Variants in ZC3H12B observed in about 807,000 individuals in gnomAD.
ZC3H12B encodes zinc finger CCCH-type containing 12B.
Under a neutral mutation model 43.9 loss-of-function variants are expected in ZC3H12B, and 7 were observed. The ratio of observed to expected loss-of-function variants is 0.16; its 90% CI spans 0.09 to 0.30. The LOEUF (loss-of-function observed/expected upper bound fraction) is 0.30, where lower values mean the gene tolerates loss of function less well. ZC3H12B is among the 10% of genes least tolerant of loss of function. The pLI is 1.00. For missense variants in ZC3H12B, 475 were observed against 670.2 expected (o/e 0.71, Z 3.22); for synonymous variants, 222 against 241.7 (o/e 0.92, Z 0.76).
At chrX:65,313,085 C>G in the ZC3H12B span, among the ~76,000 whole-genome samples, 3 of 110,887 alleles carry the variant, frequency 2.7e-5, no homozygotes, top group African/African-American at 9.8e-5. Context: ...TTTCACCATG[C>G]TAGCCAGGCT....
intron 3 of ZC3H12B, among the ~76,000 whole-genome samples, chrX:65,440,533 T>C (rs1352269777): frequency 8.9e-6 from 1 of 112,485 alleles, no homozygotes; most frequent in Non-Finnish European, 1.9e-5. Flanking sequence ...AGCTTTACCA[T>C]TACTAGACCC....
the ZC3H12B span, among the ~76,000 whole-genome samples, chrX:65,062,072 C>G: frequency 8.9e-6 from 1 of 112,067 alleles, no homozygotes; most frequent in African/African-American, 3.2e-5. Context: ...AGACTGTTGT[C>G]AGATGGATAG....
chrX:65,486,489 C>T (rs761701156), upstream of ZC3H12B, among the ~76,000 whole-genome samples: 56 of 111,989 alleles, frequency 5.0e-4, 1 homozygote, highest in Non-Finnish European at 8.6e-4. Flanking sequence ...ATAAAAGAAA[C>T]ACATACACAT....
At chrX:65,363,247 T>G (rs1432779178), upstream of ZC3H12B, among the ~76,000 whole-genome samples, 2 of 111,378 alleles carry the variant, frequency 1.8e-5, no homozygotes, top group Admixed American at 9.6e-5. Flanking sequence ...TCAACATTTA[T>G]TCTCCAAAGG....
At chrX:65,410,166 A>G (rs2066887531) in intron 3 of ZC3H12B, among the ~76,000 whole-genome samples, 1 of 109,894 alleles carries the variant, frequency 9.1e-6, no homozygotes, top group Non-Finnish European at 1.9e-5. Flanking sequence ...AAATTCACAC[A>G]CTTAAAGTGA....
the ZC3H12B span, among the ~76,000 whole-genome samples, chrX:65,204,287 G>A: frequency 1.8e-5 from 2 of 111,777 alleles, no homozygotes; most frequent in South Asian, 3.7e-4. Context: ...GAAGCTGATC[G>A]GTGGATCCTT....
At chrX:65,283,216 CA>C in the ZC3H12B span, among the ~76,000 whole-genome samples, 1 of 111,547 alleles carries the variant, frequency 9.0e-6, no homozygotes, top group Non-Finnish European at 1.9e-5. Context: ...GAACCAAAGA[CA>C]AAAACCACGG....
the ZC3H12B span, among the ~76,000 whole-genome samples, chrX:65,308,345 G>T: frequency 9.0e-6 from 1 of 110,596 alleles, no homozygotes; most frequent in East Asian, 2.8e-4. Flanking sequence ...TGCAAGCCTG[G>T]GCTCTGATAA....
chrX:65,321,410 G>A, the ZC3H12B span, among the ~76,000 whole-genome samples: 7 of 111,876 alleles, frequency 6.3e-5, no homozygotes, highest in East Asian at 1.7e-3. Context: ...ACAGGTGCTG[G>A]CAAGGTTACA....
At chrX:65,163,844 A>T in the ZC3H12B span, among the ~76,000 whole-genome samples, 2 of 111,848 alleles carry the variant, frequency 1.8e-5, no homozygotes, top group African/African-American at 6.5e-5. Flanking sequence ...GAAATTCAGA[A>T]ATCACGCATC....
chrX:65,261,384 A>G, the ZC3H12B span, among the ~76,000 whole-genome samples: 1 of 111,693 alleles, frequency 9.0e-6, no homozygotes, highest in Non-Finnish European at 1.9e-5. Context: ...GATTGTTTCT[A>G]GAAATAGCCT....
the ZC3H12B span, among the ~76,000 whole-genome samples, chrX:65,168,832 T>C: frequency 1.1e-4 from 12 of 111,961 alleles, no homozygotes; most frequent in East Asian, 2.5e-3. Flanking sequence ...TTTGTAGAGG[T>C]GTTTATACTA....
the ZC3H12B span, among the ~76,000 whole-genome samples, chrX:65,266,845 G>C: frequency 9.0e-6 from 1 of 111,019 alleles, no homozygotes; most frequent in Non-Finnish European, 1.9e-5. Flanking sequence ...TTGTTGAAAA[G>C]ATTTAAAGGT....
At chrX:65,494,898 G>T (rs1029877309) in intron 1 of ZC3H12B, among the ~76,000 whole-genome samples, 2 of 111,716 alleles carry the variant, frequency 1.8e-5, no homozygotes, top group Non-Finnish European at 3.8e-5. Context: ...GACTGTTTGG[G>T]AGAAGATCAT....
intron 1 of ZC3H12B, among the ~76,000 whole-genome samples, chrX:65,494,459 A>G (rs958311352): frequency 1.5e-4 from 17 of 110,696 alleles, no homozygotes; most frequent in African/African-American, 5.2e-4. Context: ...GGCTGAAAAA[A>G]AAAATTTAAA....
intron 1 of ZC3H12B, 92 bp from the exon 7 acceptor site, chrX:65,497,040 T>C: frequency 1.4e-6 from 1 of 716,397 alleles, no homozygotes; most frequent in South Asian, 3.1e-5. Context: ...ATGTCTATTA[T>C]TAATACCTTG....
At chrX:65,487,281 C>T (rs1440786877), upstream of ZC3H12B, among the ~76,000 whole-genome samples, 1 of 112,786 alleles carries the variant, frequency 8.9e-6, no homozygotes, top group Non-Finnish European at 1.9e-5. Context: ...TGGCTCACGC[C>T]TGTAATCCCA....
chrX:65,193,005 C>T, the ZC3H12B span, among the ~76,000 whole-genome samples: 152 of 110,835 alleles, frequency 1.4e-3, 1 homozygote, highest in Middle Eastern at 4.6e-3. Context: ...AGCTCTTGAC[C>T]TCGTGATCCA....
At chrX:65,057,177 C>T in the ZC3H12B span, among the ~76,000 whole-genome samples, 3 of 110,919 alleles carry the variant, frequency 2.7e-5, no homozygotes, top group African/African-American at 9.8e-5. Flanking sequence ...TCTTCCTAGC[C>T]TTGATGGTCT....
Sources: gnomAD v4.1 joint callset for allele counts (sites outside exome capture counted in the v4.1 genomes callset) on GRCh38, gnomAD v4.1.1 for gene constraint, MANE v1.5 for transcripts, NCBI Gene and HGNC (gene_info 2026-07-23, HGNC 2026-07-21) for gene names.